Variants in PUM3 observed in about 807,000 individuals in gnomAD.
PUM3 encodes pumilio RNA binding family member 3.
In PUM3, 91 loss-of-function variants were observed where a neutral mutation model predicts 84.0. The observed-to-expected ratio is 1.08, with a 90% CI of 0.91 to 1.29. The LOEUF (loss-of-function observed/expected upper bound fraction) is 1.29, where lower values mean the gene tolerates loss of function less well. Among genes scored for constraint, PUM3 ranks in the 50% most tolerant of loss-of-function variants. The probability of loss-of-function intolerance (pLI) is 0.00; values close to 1 mark genes in which losing one functional copy is unlikely to be tolerated. For missense variants in PUM3, 1,067 were observed against 767.5 expected, an observed-to-expected ratio of 1.39 and a Z score of -4.61; for synonymous variants, 321 against 266.7, an observed-to-expected ratio of 1.20 and a Z score of -1.98.
intron 10 of PUM3, among the ~76,000 whole-genome samples, chr9:2,826,590 T>C (rs1258148891): frequency 6.6e-6 from 1 of 152,240 alleles, no homozygotes; most frequent in Non-Finnish European, 1.5e-5. Context: ...TTCTCATTTG[T>C]ATTCCCATGA....
intron 15 of PUM3, 94 bp from the exon 16 acceptor site, chr9:2,810,525 G>T: frequency 2.4e-6 from 2 of 825,832 alleles, no homozygotes; most frequent in Non-Finnish European, 3.8e-6. Context: ...ACCACATACA[G>T]ATAAGGACTC....
chr9:2,843,707 T>A (rs1471431746), intron 1 of PUM3, among the ~76,000 whole-genome samples: 1 of 150,922 alleles, frequency 6.6e-6, no homozygotes, highest in Non-Finnish European at 1.5e-5. Context: ...GCCTCCCAAG[T>A]AGCTGGGACC....
At chr9:2,817,685 A>G (rs1821499672) in intron 13 of PUM3, among the ~76,000 whole-genome samples, 1 of 152,240 alleles carries the variant, frequency 6.6e-6, no homozygotes, top group Non-Finnish European at 1.5e-5. Flanking sequence ...TTATCATAGT[A>G]GATATGGGGC....
Position 2,834,088 on chromosome 9 carries a change from T to C in PUM3, c.383A>G (p.Asp128Gly), listed in dbSNP as rs746898956. ...KELKQSRQLSDKTNYDIVVRA... is the reference protein window; with the variant it reads ...KELKQSRQLSGKTNYDIVVRA... ...AACAACAATGTCATAGTTGGTTTTATCACTGAGTTGTCTGCTTTGCTTCAG... is the reference window on the plus strand; with the variant it reads ...AACAACAATGTCATAGTTGGTTTTACCACTGAGTTGTCTGCTTTGCTTCAG... Residue 128 changes from aspartate (D) to glycine (G), a missense_variant, in exon 4 of 18, where the codon GAT becomes GGT. By Grantham distance (94) the Asp-to-Gly change is moderately conservative. Coordinates refer to ENST00000397885, the MANE Select transcript of PUM3 (RefSeq NM_014878.5). The C allele has an allele frequency of 2.5e-6, 4 of 1,613,894 alleles. No homozygotes were observed. Among genetic ancestry groups the C allele is most frequent in the South Asian group, 2.2e-5 (2 of 91,062 alleles).
At chr9:2,809,223 G>C (rs796186863) in intron 16 of PUM3, among the ~76,000 whole-genome samples, 14 of 152,228 alleles carry the variant, frequency 9.2e-5, no homozygotes, top group African/African-American at 3.4e-4. Context: ...AAAACAGCTA[G>C]ACGTGCAGGA....
At chr9:2,822,776 A>C (rs1815689856) in intron 12 of PUM3, among the ~76,000 whole-genome samples, 1 of 148,566 alleles carries the variant, frequency 6.7e-6, no homozygotes, top group African/African-American at 2.4e-5. Flanking sequence ...TTCATATTAT[A>C]ATTATGAATT....
rs771254376 is a variant in PUM3, at chr9:2,837,245, T to C, written c.239A>G (p.Asn80Ser). The C allele has an allele frequency of 5.6e-6, 9 of 1,614,150 alleles. No homozygotes were observed. The South Asian group carries it at 7.7e-5, about 14-fold the overall frequency. Residue 80 changes from asparagine (N) to serine (S), a missense_variant, in exon 3 of 18, where the codon AAC (asparagine) becomes AGC (serine). By Grantham distance (46) the Asn-to-Ser change is conservative. Transcript: ENST00000397885. ...GAATTTATTTGCCGGCTGGAATTTG[T>C]TCTTTGGTGATTTGTCCCCTTGCTG... ...NKQQGDKSPK[N>S]KFQPANKFNK...
intron 10 of PUM3, among the ~76,000 whole-genome samples, chr9:2,826,582 C>T (rs1815825257): frequency 2.0e-5 from 3 of 152,176 alleles, no homozygotes; most frequent in Admixed American, 1.3e-4. Context: ...ATGATGAATT[C>T]TCATTTGTAT....
chr9:2,842,273 A>T (rs1586730952), intron 1 of PUM3, among the ~76,000 whole-genome samples: 1 of 151,776 alleles, frequency 6.6e-6, no homozygotes. Flanking sequence ...TTTTGTTTAG[A>T]TCCTATCTGC....
At chr9:2,814,555 G>A (rs764698079) in intron 13 of PUM3, among the ~76,000 whole-genome samples, 108 of 152,136 alleles carry the variant, frequency 7.1e-4, no homozygotes, top group Admixed American at 1.5e-3. Context: ...CCCCAAATAT[G>A]GCATACCTTG....
chr9:2,843,609 T>C (rs1408082454), intron 1 of PUM3, among the ~76,000 whole-genome samples: 25 of 140,642 alleles, frequency 1.8e-4, no homozygotes, highest in African/African-American at 2.7e-4. Flanking sequence ...GACGGAGTCT[T>C]GCTCTGTCTC....
chr9:2,831,241 T>C lies in PUM3; in HGVS notation c.610+10A>G. ...AAATGATAACATAATCTTTAGTATG[T>C]AATAAATACCTCGCAATTCTTCAAA... is the stretch of plus-strand genomic sequence containing the variant. On this transcript the variant is annotated intron_variant, in intron 6 of 17. Coordinates refer to ENST00000397885, the MANE Select transcript of PUM3 (RefSeq NM_014878.5). 2 of 1,520,740 alleles carry C rather than the reference T, an allele frequency of 1.3e-6. No homozygotes were observed. Among genetic ancestry groups the C allele is most frequent in the Non-Finnish European group, 1.8e-6 (2 of 1,098,544 alleles). 94.2% of individuals were successfully genotyped at this position (1,520,740 alleles called of 1,614,324 possible). A position where few individuals can be genotyped will look rare whatever the true frequency, so the allele number is the denominator to read the frequency against.
Position 2,828,732 on chromosome 9 carries a change from T to C in PUM3, c.899A>G (p.Glu300Gly), listed in dbSNP as rs777185887. 2 of 1,610,110 alleles carry C rather than the reference T, an allele frequency of 1.2e-6. No individual in the cohort carries two copies. Among genetic ancestry groups the C allele is most frequent in the African/African-American group, 1.3e-5 (1 of 74,814 alleles). Reference sequence around the variant, plus strand: ...TTCATCCATAATAAGTTCTAATTTTTCTGGCTGTACCTCTAACACTTTGTC... The same window carrying C: ...TTCATCCATAATAAGTTCTAATTTTCCTGGCTGTACCTCTAACACTTTGTC... ...TLDKVLEVQP[E>G]KLELIMDEMK... The change falls in exon 9 of 18, where the codon GAA becomes GGA. Residue 300 changes from glutamate to glycine, a missense_variant. Physicochemically the swap from Glu to Gly is moderately conservative, Grantham distance 98. Coordinates refer to ENST00000397885, the MANE Select transcript of PUM3 (RefSeq NM_014878.5).
chr9:2,820,593 G>T (rs1821569621), intron 12 of PUM3, among the ~76,000 whole-genome samples: 2 of 151,854 alleles, frequency 1.3e-5, no homozygotes, highest in African/African-American at 2.4e-5. Context: ...GGAAGGCAAG[G>T]CATTGTAATA....
chr9:2,823,891 T>A, intron 11 of PUM3, 57 bp from the exon 12 acceptor site: 1 of 843,926 alleles, frequency 1.2e-6, no homozygotes, highest in South Asian at 1.9e-5. Context: ...GGGTATTTTG[T>A]AGTTAAACAT....
At chr9:2,835,548 A>G (rs1271320592) in intron 3 of PUM3, among the ~76,000 whole-genome samples, 1 of 109,184 alleles carries the variant, frequency 9.2e-6, no homozygotes, top group African/African-American at 4.6e-5. Context: ...TTATTCCTTT[A>G]TTGTTTACTT....
intron 3 of PUM3, among the ~76,000 whole-genome samples, chr9:2,835,472 T>G (rs946350774): frequency 1.3e-5 from 2 of 152,216 alleles, no homozygotes; most frequent in South Asian, 4.1e-4. Flanking sequence ...TTATGTTTGC[T>G]CATGAAATTA....
Position 2,811,551 on chromosome 9 carries a change from A to G in PUM3, c.1445T>C (p.Leu482Pro), listed in dbSNP as rs776574300. Residue 482 changes from leucine to proline, a missense_variant, in exon 15 of 18, where the codon CTC (leucine) becomes CCC (proline). Coordinates refer to ENST00000397885, the MANE Select transcript of PUM3 (RefSeq NM_014878.5). Reference sequence around the variant, plus strand: ...CAAAGCTGGAGAAATGGATTCTAGGAGCTCCCGTCTGCGGACCTCTGTATC... The same window carrying G: ...CAAAGCTGGAGAAATGGATTCTAGGGGCTCCCGTCTGCGGACCTCTGTATC... ...KKDTEVRRRELLESISPALLS... is the reference protein window; with the variant it reads ...KKDTEVRRREPLESISPALLS... 4 of 1,613,970 alleles carry G rather than the reference A, an allele frequency of 2.5e-6. No individual in the cohort carries two copies. Among genetic ancestry groups the G allele is most frequent in the Non-Finnish European group, 1.7e-6 (2 of 1,180,000 alleles).
chr9:2,823,645 T>C (rs1181742170), intron 12 of PUM3, 136 bp downstream of exon 12: 10 of 465,550 alleles, frequency 2.1e-5, no homozygotes, highest in Non-Finnish European at 2.7e-5. Flanking sequence ...AAAATACATG[T>C]AGATGCAAAG....
Sources: allele counts gnomAD v4.1 joint callset (sites outside exome capture counted in the v4.1 genomes callset), GRCh38; gene constraint gnomAD v4.1.1; transcripts MANE v1.5; gene names NCBI Gene and HGNC (gene_info 2026-07-23, HGNC 2026-07-21).